The following CA10 variants were observed in gnomAD, a reference collection of about 807,000 sequenced individuals.
CA10 encodes carbonic anhydrase 10 (inactive), also known as carbonic anhydrase-related protein 10.
A neutral mutation model predicts 44.2 loss-of-function variants in CA10; 14 were observed. That is an observed-to-expected ratio of 0.32 (90% confidence interval 0.21 to 0.50). The LOEUF is 0.50. Among genes scored for constraint, CA10 ranks in the 20% least tolerant of loss-of-function variants. The pLI is 0.99. For synonymous variants in CA10, 159 were observed against 141.6 expected, an observed-to-expected ratio of 1.12 and a Z score of -0.87; for missense variants, 350 against 409.7, an observed-to-expected ratio of 0.85 and a Z score of 1.26.
intron 3 of CA10, among the ~76,000 whole-genome samples, chr17:51,768,472 T>C (rs956621055): frequency 1.3e-5 from 2 of 152,172 alleles, no homozygotes; most frequent in African/African-American, 4.8e-5. Context: ...TTCTGATAAA[T>C]TGAATTTCAT....
At chr17:51,902,508 G>A (rs535891372) in intron 3 of CA10, among the ~76,000 whole-genome samples, 76 of 152,244 alleles carry the variant, frequency 5.0e-4, no homozygotes, top group Non-Finnish European at 9.7e-4. Context: ...GGGGCAGTGA[G>A]CATAGTTACC....
chr17:51,862,090 T>C (rs1359818169), intron 3 of CA10, among the ~76,000 whole-genome samples: 1 of 152,230 alleles, frequency 6.6e-6, no homozygotes, highest in Non-Finnish European at 1.5e-5. Context: ...ATGCCATTAA[T>C]GTTTGCCTTA....
chr17:51,996,616 T>C (rs1326427788), intron 2 of CA10, among the ~76,000 whole-genome samples: 3 of 152,066 alleles, frequency 2.0e-5, no homozygotes, highest in African/African-American at 7.2e-5. Flanking sequence ...TCCCTAAACA[T>C]GCCCTCTTCT....
chr17:51,965,662 T>G (rs1335760396), intron 2 of CA10, among the ~76,000 whole-genome samples: 1 of 152,014 alleles, frequency 6.6e-6, no homozygotes, highest in Admixed American at 6.6e-5. Context: ...TCAGCATCTC[T>G]TCATAATAAA....
At chr17:51,723,065 A>C (rs1916398812) in intron 4 of CA10, among the ~76,000 whole-genome samples, 1 of 152,196 alleles carries the variant, frequency 6.6e-6, no homozygotes, top group African/African-American at 2.4e-5. Flanking sequence ...AGATTGGAAA[A>C]GTGTAATTAG....
chr17:51,862,057 A>T lies in CA10; in HGVS notation c.279+68933T>A, dbSNP rs76115306. Reference sequence around the variant, plus strand: ...TTAATTCTCTTACAGATAGAACCAGATACAACAGCCACCCTCTTGCTAATG... The same window carrying T: ...TTAATTCTCTTACAGATAGAACCAGTTACAACAGCCACCCTCTTGCTAATG... On this transcript the variant is annotated intron_variant, in intron 3 of 8. Transcript: ENST00000451037. Among the ~76,000 whole-genome samples, 748 of 152,310 alleles carry T rather than the reference A, an allele frequency of 4.9e-3. 2 individuals carry two copies. Among genetic ancestry groups the T allele is most frequent in the Non-Finnish European group, 8.1e-3 (549 of 68,020 alleles).
chr17:51,970,414 A>T (rs1224846986), intron 2 of CA10, among the ~76,000 whole-genome samples: 1 of 152,102 alleles, frequency 6.6e-6, no homozygotes, highest in Admixed American at 6.6e-5. Context: ...ACACATGAGG[A>T]ATAAAAAGAG....
rs554588315 is a variant in CA10, at chr17:51,870,930, T to C, written c.279+60060A>G. Among the ~76,000 whole-genome samples, 10 of 152,286 alleles carry C rather than the reference T, an allele frequency of 6.6e-5. No individual in the cohort carries two copies. In the East Asian group the frequency reaches 1.7e-3, roughly 26 times the overall value. Reference sequence around the variant, plus strand: ...TTCGCTTTCCTCTAAAAACATGTTTTTAATATCAGATCATGGGGTGAAAAT... The same window carrying C: ...TTCGCTTTCCTCTAAAAACATGTTTCTAATATCAGATCATGGGGTGAAAAT... On this transcript the variant is annotated intron_variant, in intron 3 of 8. Coordinates refer to ENST00000451037, the MANE Select transcript of CA10 (RefSeq NM_020178.5).
At chr17:52,031,916 G>T (rs964460360) in intron 2 of CA10, among the ~76,000 whole-genome samples, 1 of 152,050 alleles carries the variant, frequency 6.6e-6, no homozygotes, top group Admixed American at 6.6e-5. Context: ...CATATTTAGG[G>T]CAATACAGAA....
At chr17:51,933,632 G>A (rs537443176) in intron 2 of CA10, among the ~76,000 whole-genome samples, 5 of 152,230 alleles carry the variant, frequency 3.3e-5, no homozygotes, top group Admixed American at 1.3e-4. Flanking sequence ...TAACGGAAAA[G>A]TAATACAGCA....
chr17:52,132,262 C>A (rs1989259240), intron 1 of CA10, among the ~76,000 whole-genome samples: 1 of 152,026 alleles, frequency 6.6e-6, no homozygotes, highest in African/African-American at 2.4e-5. Flanking sequence ...AATGGAGAGG[C>A]AGACTCAGAG....
upstream of CA10, chr17:52,159,381 G>A (rs1319336937): frequency 6.6e-6 from 1 of 152,408 alleles, no homozygotes; most frequent in Non-Finnish European, 1.5e-5. Flanking sequence ...AAGTCCGGGT[G>A]CCAGCAGCGG....
chr17:52,094,743 A>G (rs1418229711), intron 1 of CA10, among the ~76,000 whole-genome samples: 1 of 152,146 alleles, frequency 6.6e-6, no homozygotes, highest in Non-Finnish European at 1.5e-5. Flanking sequence ...ACACTACTCA[A>G]ATTTAAACCC....
chr17:51,806,291 A>G (rs899406889), intron 3 of CA10, among the ~76,000 whole-genome samples: 1 of 152,256 alleles, frequency 6.6e-6, no homozygotes, highest in African/African-American at 2.4e-5. Flanking sequence ...GGCTGAATTC[A>G]GTTCATTCTT....
At chr17:51,921,860 A>G (rs544006322) in intron 3 of CA10, among the ~76,000 whole-genome samples, 1 of 152,300 alleles carries the variant, frequency 6.6e-6, no homozygotes, top group South Asian at 2.1e-4. Flanking sequence ...ATAGTTTGAG[A>G]GGAAAGTTTT....
chr17:51,679,972 ACAGT>A (rs1242696793), intron 4 of CA10, among the ~76,000 whole-genome samples: 4 of 152,242 alleles, frequency 2.6e-5, no homozygotes, highest in Non-Finnish European at 2.9e-5. Flanking sequence ...TTTCATTGGA[ACAGT>A]CACCCCTATT....
chr17:51,944,636 AT>A lies in CA10; in HGVS notation c.137-13505del, dbSNP rs577357041. On this transcript the variant is annotated intron_variant, in intron 2 of 8. Coordinates refer to ENST00000451037, the MANE Select transcript of CA10 (RefSeq NM_020178.5). ...AACATAAATTTTAACAATACAGCAA[AT>A]TTTTATATATAGTCTCAAATATATA... Among the ~76,000 whole-genome samples, 308 of 152,238 alleles carry A rather than the reference AT, an allele frequency of 2.0e-3. 3 individuals are homozygous for A. Among genetic ancestry groups the A allele is most frequent in the African/African-American group, 7.1e-3 (294 of 41,558 alleles).
At chr17:52,120,623 G>C (rs1232719614) in intron 1 of CA10, among the ~76,000 whole-genome samples, 1 of 152,196 alleles carries the variant, frequency 6.6e-6, no homozygotes, top group African/African-American at 2.4e-5. Context: ...GTTTATGCCA[G>C]ATGTCTTTGT....
At chr17:51,942,117 T>C (rs544182466) in intron 2 of CA10, among the ~76,000 whole-genome samples, 1 of 152,284 alleles carries the variant, frequency 6.6e-6, no homozygotes, top group East Asian at 1.9e-4. Flanking sequence ...TTTTGCAATT[T>C]CTCATTGTCT....
Sources: gnomAD v4.1 joint callset for allele counts (sites outside exome capture counted in the v4.1 genomes callset) on GRCh38, gnomAD v4.1.1 for gene constraint, MANE v1.5 for transcripts, NCBI Gene and HGNC (gene_info 2026-07-23, HGNC 2026-07-21) for gene names.